The following NAF1 variants were observed in gnomAD, a reference collection of about 807,000 sequenced individuals.
NAF1 encodes the protein nuclear assembly factor 1 ribonucleoprotein.
A neutral mutation model predicts 40.6 loss-of-function variants in NAF1; 11 were observed. The ratio of observed to expected loss-of-function variants is 0.27; its 90% CI spans 0.17 to 0.45. The LOEUF (loss-of-function observed/expected upper bound fraction) is 0.45. NAF1 is among the 20% of genes least tolerant of loss of function. The probability of loss-of-function intolerance (pLI) is 1.00; values close to 1 mark genes in which losing one functional copy is unlikely to be tolerated. For missense variants in NAF1, 607 were observed against 611.1 expected, an observed-to-expected ratio of 0.99 and a Z score of 0.07; for synonymous variants, 260 against 228.5, an observed-to-expected ratio of 1.14 and a Z score of -1.24.
intron 2 of NAF1, chr4:163,110,388 T>C: frequency 1.6e-6 from 1 of 640,108 alleles, no homozygotes. Flanking sequence ...CCTATTGTAT[T>C]ATTAGTTGTT....
chr4:163,111,728 A>G (rs568186483), intron 2 of NAF1, among the ~76,000 whole-genome samples: 22 of 152,300 alleles, frequency 1.4e-4, no homozygotes, highest in African/African-American at 4.8e-4. Flanking sequence ...GGACTGAGAA[A>G]GTAGAGCCAC....
chr4:163,152,354 T>C (rs1219997830), intron 2 of NAF1, among the ~76,000 whole-genome samples: 1 of 152,212 alleles, frequency 6.6e-6, no homozygotes, highest in African/African-American at 2.4e-5. Flanking sequence ...TCTGATGAAG[T>C]CCTGATGTTC....
chr4:163,135,712 C>T (rs1731028745), intron 6 of NAF1: 1 of 152,260 alleles, frequency 6.6e-6, no homozygotes, highest in Non-Finnish European at 1.5e-5. Context: ...ATTGCTTGAA[C>T]CCGGAGGCAG....
intron 2 of NAF1, among the ~76,000 whole-genome samples, chr4:163,115,295 G>A (rs1454464318): frequency 3.6e-5 from 5 of 138,568 alleles, no homozygotes; most frequent in South Asian, 2.4e-4. Flanking sequence ...TGCAAGCTCC[G>A]CCTCCCAGGT....
chr4:163,134,527 G>C lies in NAF1; in HGVS notation c.931-1271C>G, dbSNP rs77274795. 8.2e-3 allele frequency among the ~76,000 whole-genome samples: 1,247 copies of C among 152,274 alleles called. 18 individuals carry two copies. Among genetic ancestry groups the C allele is most frequent in the African/African-American group, 0.027 (1,143 of 41,566 alleles). On this transcript the variant is annotated intron_variant, in intron 6 of 7. Coordinates refer to ENST00000274054, the MANE Select transcript of NAF1 (RefSeq NM_138386.3). The stretch of plus-strand genomic sequence containing the variant: ...TATCTGAAAGACACTAGAAAGTATG[G>C]AGATCAGATAGAAGACTCCTTTTTC...
At position 163,141,490 on chromosome 4, in the gene NAF1, A is replaced by G. The variant is rs1297335777; in HGVS notation, c.718-1107T>C. On this transcript the variant is annotated intron_variant, in intron 4 of 7. Transcript: ENST00000274054. ...GTATACTGCCCCCTTTTAAAAACCT[A>G]AAGTTGTTCCATGTTATATTCTTTG... 2.6e-5 allele frequency among the ~76,000 whole-genome samples: 4 copies of G among 152,266 alleles called. No homozygotes were observed. In the East Asian group the frequency reaches 5.8e-4, roughly 22 times the overall value.
At chr4:163,144,155 T>TGAA in intron 4 of NAF1, 1 of 263,732 alleles carries the variant, frequency 3.8e-6, no homozygotes, top group Non-Finnish European at 5.9e-6. Context: ...CACTAGTTCA[T>TGAA]CAAGGGAACT....
intron 4 of NAF1, chr4:163,144,087 T>A: frequency 1.4e-5 from 13 of 905,462 alleles, no homozygotes; most frequent in Non-Finnish European, 1.7e-5. Context: ...ATATAATCGT[T>A]TAAAAAGGAA....
At chr4:163,142,751 A>C (rs1437432318) in intron 4 of NAF1, among the ~76,000 whole-genome samples, 1 of 152,330 alleles carries the variant, frequency 6.6e-6, no homozygotes, top group Admixed American at 6.5e-5. Flanking sequence ...TCCAGAGTAG[A>C]AAAGAGGAAT....
intron 2 of NAF1, among the ~76,000 whole-genome samples, chr4:163,154,342 C>T (rs1731876947): frequency 6.6e-6 from 1 of 152,144 alleles, no homozygotes; most frequent in African/African-American, 2.4e-5. Flanking sequence ...TGAAGTCTCG[C>T]CCCAAATACT....
chr4:163,145,701 C>A (rs1432925150), intron 4 of NAF1, 81 bp downstream of exon 4: 1 of 899,246 alleles, frequency 1.1e-6, no homozygotes, highest in African/African-American at 1.7e-5. Context: ...TAAATAAACT[C>A]TTCTGAGAAC....
chr4:163,110,724 T>C (rs1730134813), intron 2 of NAF1, among the ~76,000 whole-genome samples: 1 of 152,188 alleles, frequency 6.6e-6, no homozygotes, highest in Non-Finnish European at 1.5e-5. Flanking sequence ...TTGTTTTTGG[T>C]TTTCCTATTT....
downstream of NAF1, among the ~76,000 whole-genome samples, chr4:163,107,909 C>G (rs575755226): frequency 1.2e-4 from 19 of 152,158 alleles, no homozygotes; most frequent in Non-Finnish European, 2.2e-4. Context: ...TTTCCACCTT[C>G]CAATAATGAA....
chr4:163,148,453 C>CA lies in NAF1; in HGVS notation c.541-20dup. 2 of 1,498,548 alleles carry CA rather than the reference C, an allele frequency of 1.3e-6. No homozygotes were observed. The highest frequency in any genetic ancestry group is 1.8e-6 in the Non-Finnish European group (2 of 1,106,796). The allele number at this position is 1,498,548 out of a possible 1,614,324, so 92.8% of individuals were successfully genotyped here. ...GCAGTTCCTATAATTTAAAACAAAA[C>CA]AAAACATTAAACTTCCTCCAGCTTC... On this transcript the variant is annotated intron_variant, in intron 2 of 7. Transcript: ENST00000274054.
intron 1 of NAF1, among the ~76,000 whole-genome samples, 172 bp from the exon 2 acceptor site, chr4:163,164,563 T>C (rs935139265): frequency 1.3e-5 from 2 of 149,998 alleles, no homozygotes; most frequent in Non-Finnish European, 3.0e-5. Context: ...TGTTTACTAC[T>C]GCTGTTCTAA....
At chr4:163,105,751 A>C (rs897828552), downstream of NAF1, among the ~76,000 whole-genome samples, 6 of 152,166 alleles carry the variant, frequency 3.9e-5, no homozygotes, top group African/African-American at 1.2e-4. Flanking sequence ...TTTATAAGTA[A>C]ATTATTTGGA....
At chr4:163,140,045 T>C (rs930518188) in intron 5 of NAF1, among the ~76,000 whole-genome samples, 178 bp downstream of exon 5, 1 of 152,112 alleles carries the variant, frequency 6.6e-6, no homozygotes, top group Non-Finnish European at 1.5e-5. Flanking sequence ...ACAAAAGATA[T>C]GAATTCTACG....
At chr4:163,158,414 T>G (rs961871731) in intron 2 of NAF1, 2 of 152,080 alleles carry the variant, frequency 1.3e-5, no homozygotes, top group Non-Finnish European at 2.9e-5. Flanking sequence ...TCTAATTCAT[T>G]AACTTCTTCA....
downstream of NAF1, among the ~76,000 whole-genome samples, chr4:163,124,011 C>A (rs926431837): frequency 1.3e-5 from 2 of 152,136 alleles, no homozygotes; most frequent in African/African-American, 4.8e-5. Flanking sequence ...GTGACTTAGT[C>A]CTTTTGTGCT....
Sources: gnomAD v4.1 joint callset for allele counts (sites outside exome capture counted in the v4.1 genomes callset) on GRCh38, gnomAD v4.1.1 for gene constraint, MANE v1.5 for transcripts, NCBI Gene and HGNC (gene_info 2026-07-23, HGNC 2026-07-21) for gene names.